The following TENM4 variants were observed in gnomAD, a reference collection of about 807,000 sequenced individuals.
TENM4 encodes teneurin transmembrane protein 4.
In TENM4, 82 loss-of-function variants were observed where a neutral mutation model predicts 243.3. The ratio of observed to expected loss-of-function variants is 0.34; its 90% confidence interval spans 0.28 to 0.40. TENM4 has a LOEUF of 0.40. TENM4 is among the 10% of genes least tolerant of loss of function. The pLI, the probability that TENM4 is intolerant of heterozygous loss-of-function variation, is 1.00. For missense variants in TENM4, 3,138 were observed against 3,673.3 expected (o/e 0.85, Z 3.77); for synonymous variants, 1,412 against 1,456.3 (o/e 0.97, Z 0.69).
intron 6 of TENM4, among the ~76,000 whole-genome samples, chr11:78,916,160 C>T (rs1388939257): frequency 6.6e-6 from 1 of 152,230 alleles, no homozygotes; most frequent in Non-Finnish European, 1.5e-5. Context: ...GGGTTTACCA[C>T]TTACTAGCTT....
At chr11:79,259,537 C>T (rs1855757368) in intron 2 of TENM4, among the ~76,000 whole-genome samples, 1 of 150,600 alleles carries the variant, frequency 6.6e-6, no homozygotes, top group Non-Finnish European at 1.5e-5. Context: ...ATCCACCCAC[C>T]TACCTACCCA....
At chr11:78,855,145 T>C (rs998542469) in intron 11 of TENM4, among the ~76,000 whole-genome samples, 1 of 152,222 alleles carries the variant, frequency 6.6e-6, no homozygotes, top group Non-Finnish European at 1.5e-5. Flanking sequence ...AGGACTAGCA[T>C]ACCAGTCTGC....
At chr11:79,267,605 C>G (rs1346808415) in intron 2 of TENM4, among the ~76,000 whole-genome samples, 1 of 152,182 alleles carries the variant, frequency 6.6e-6, no homozygotes, top group Non-Finnish European at 1.5e-5. Context: ...ATTTCCTCAT[C>G]TGTAAAAGAG....
At chr11:79,233,485 T>C (rs1483485352) in intron 2 of TENM4, among the ~76,000 whole-genome samples, 1 of 152,074 alleles carries the variant, frequency 6.6e-6, no homozygotes, top group Non-Finnish European at 1.5e-5. Context: ...GTGAGGATGG[T>C]AGATGAACTT....
chr11:79,350,968 C>T (rs1387946903), intron 1 of TENM4, among the ~76,000 whole-genome samples: 1 of 152,116 alleles, frequency 6.6e-6, no homozygotes, highest in Non-Finnish European at 1.5e-5. Flanking sequence ...CCCTACCTCC[C>T]TCAGACCTCA....
At chr11:79,090,047 G>A (rs1190259519) in intron 4 of TENM4, among the ~76,000 whole-genome samples, 1 of 152,218 alleles carries the variant, frequency 6.6e-6, no homozygotes. Flanking sequence ...AAGCTGTGAA[G>A]CACTATACAA....
chr11:78,658,462 C>T lies in TENM4; in HGVS notation c.7906G>A (p.Gly2636Arg). ...EGDLAILGLS[G>R]GRRTLENGVN... The stretch of plus-strand genomic sequence containing the variant: ...CCATTCTCCAGGGTTCGCCGCCCCC[C>T]ACTGAGGCCCAGGATGGCCAGGTCA... The change falls in exon 34 of 34, where the codon GGG becomes AGG. Residue 2636 changes from glycine to arginine, a missense_variant. Physicochemically the swap from Gly to Arg is moderately radical, Grantham distance 125. Around this residue, in one of 2 missense-constraint regions of TENM4, gnomAD observed 2,467 missense variants for 3,059.1 expected, o/e 0.81. Transcript: ENST00000278550. 1 of 1,614,024 alleles carries T rather than the reference C, an allele frequency of 6.2e-7. No homozygotes were observed. Among genetic ancestry groups the T allele is most frequent in the African/African-American group, 1.3e-5 (1 of 75,050 alleles).
chr11:79,036,309 C>T lies in TENM4; in HGVS notation c.493+28429G>A, dbSNP rs185267551. On this transcript the variant is annotated intron_variant, in intron 6 of 33. Transcript: ENST00000278550. ...CACGATGAGTGTTGTTCCTGTGTAT[C>T]GCAGGCACCTGCATCACCAGCTATC... 3.9e-5 allele frequency among the ~76,000 whole-genome samples: 6 copies of T among 152,332 alleles called. No homozygotes were observed. The East Asian group carries it at 5.8e-4, about 15-fold the overall frequency.
At chr11:79,166,140 T>C (rs1862908954) in intron 3 of TENM4, among the ~76,000 whole-genome samples, 1 of 152,158 alleles carries the variant, frequency 6.6e-6, no homozygotes, top group African/African-American at 2.4e-5. Flanking sequence ...AGCAGCAGTG[T>C]TGTGGGCAGC....
intron 19 of TENM4, among the ~76,000 whole-genome samples, chr11:78,753,413 T>G (rs1856235308): frequency 2.0e-5 from 3 of 152,222 alleles, no homozygotes; most frequent in Admixed American, 1.3e-4. Context: ...CCAAACTCCC[T>G]CATATGAGAG....
chr11:79,133,977 A>G (rs747247282), intron 4 of TENM4, among the ~76,000 whole-genome samples: 1 of 152,082 alleles, frequency 6.6e-6, no homozygotes, highest in African/African-American at 2.4e-5. Flanking sequence ...CTTCAACACA[A>G]CACTGGAATT....
intron 1 of TENM4, among the ~76,000 whole-genome samples, chr11:79,402,870 C>G (rs1219284474): frequency 6.6e-6 from 1 of 152,232 alleles, no homozygotes; most frequent in Non-Finnish European, 1.5e-5. Context: ...CATTCACTCA[C>G]TAGCTCATAG....
intron 18 of TENM4, among the ~76,000 whole-genome samples, chr11:78,759,734 T>C (rs1856390236): frequency 6.6e-6 from 1 of 152,208 alleles, no homozygotes; most frequent in Admixed American, 6.5e-5. Context: ...GCTAAATATA[T>C]TACAAGGAAT....
intron 6 of TENM4, among the ~76,000 whole-genome samples, chr11:78,916,608 A>G (rs1230420953): frequency 6.6e-6 from 1 of 152,180 alleles, no homozygotes; most frequent in Non-Finnish European, 1.5e-5. Flanking sequence ...TAGAGACTGA[A>G]TATTTATTGA....
chr11:78,779,172 A>G (rs1320944650), intron 16 of TENM4, among the ~76,000 whole-genome samples: 1 of 152,354 alleles, frequency 6.6e-6, no homozygotes, highest in East Asian at 1.9e-4. Flanking sequence ...CTTTGGTCAA[A>G]TATACTGCTG....
rs1565219714 is a variant in TENM4, at chr11:79,138,848, TA to T, written c.-66+9861del. Among the ~76,000 whole-genome samples the T allele has an allele frequency of 1.7e-5, 2 of 119,816 alleles. 1 individual carries two copies. Among genetic ancestry groups the T allele is most frequent in the Non-Finnish European group, 3.2e-5 (2 of 62,784 alleles). 78.6% of individuals were successfully genotyped at this position (119,816 alleles called of 152,430 possible). On this transcript the variant is annotated intron_variant, in intron 4 of 33. Coordinates refer to ENST00000278550, the MANE Select transcript of TENM4 (RefSeq NM_001098816.3). ...ATACAAAACATACATTATATTTATA[TA>T]AATATACAAAATATACCTTATATTT...
chr11:79,289,749 A>G (rs1264545354), intron 2 of TENM4, among the ~76,000 whole-genome samples: 1 of 152,196 alleles, frequency 6.6e-6, no homozygotes, highest in Non-Finnish European at 1.5e-5. Flanking sequence ...TGCACAAACT[A>G]TACCTCTCTC....
At chr11:79,179,114 T>C (rs1481568658) in intron 3 of TENM4, among the ~76,000 whole-genome samples, 1 of 152,246 alleles carries the variant, frequency 6.6e-6, no homozygotes, top group African/African-American at 2.4e-5. Context: ...ACAATGATGA[T>C]GATATACTAT....
chr11:78,762,354 G>C (rs1856449842), intron 18 of TENM4, among the ~76,000 whole-genome samples: 1 of 152,210 alleles, frequency 6.6e-6, no homozygotes, highest in South Asian at 2.1e-4. Context: ...CACATTACAT[G>C]ACAACCCTTT....
Sources: allele counts gnomAD v4.1 joint callset (sites outside exome capture counted in the v4.1 genomes callset), GRCh38; gene constraint gnomAD v4.1.1; regional missense constraint gnomAD v4.1.1; transcripts MANE v1.5; gene names NCBI Gene and HGNC (gene_info 2026-07-23, HGNC 2026-07-21).